Variants in POLR1B observed in about 807,000 individuals in gnomAD.
POLR1B encodes DNA-directed RNA polymerase I subunit RPA2.
In POLR1B, 30 loss-of-function variants were observed where a neutral mutation model predicts 105.8. That is an observed-to-expected ratio of 0.28 (90% CI 0.21 to 0.38). The LOEUF is 0.38. Among genes scored for constraint, POLR1B ranks in the 10% least tolerant of loss-of-function variants. The pLI, the probability that POLR1B is intolerant of heterozygous loss-of-function variation, is 1.00. For missense variants in POLR1B, 976 were observed against 1,435.8 expected (o/e 0.68, Z 5.17); for synonymous variants, 485 against 505.1 (o/e 0.96, Z 0.53).
intron 11 of POLR1B, among the ~76,000 whole-genome samples, chr2:112,568,484 A>G (rs923770282): frequency 2.0e-5 from 3 of 152,240 alleles, no homozygotes; most frequent in African/African-American, 7.2e-5. Context: ...TTGCAAAATT[A>G]TAGGCTTTGT....
At chr2:112,542,227 A>T (rs994209447), upstream of POLR1B, 1 of 1,535,078 alleles carries the variant, frequency 6.5e-7, no homozygotes, top group Non-Finnish European at 8.7e-7. Context: ...GCGAGCGGGG[A>T]GATGAGTGGG....
chr2:112,549,229 A>T, intron 3 of POLR1B, 38 bp from the exon 4 acceptor site: 3 of 1,607,592 alleles, frequency 1.9e-6, no homozygotes, highest in Non-Finnish European at 2.6e-6. Context: ...TTAGTCATGT[A>T]TCTTTGTTTA....
At chr2:112,559,619 T>G in intron 9 of POLR1B, 45 bp downstream of exon 9, 1 of 1,578,914 alleles carries the variant, frequency 6.3e-7, no homozygotes, top group Non-Finnish European at 8.6e-7. Context: ...TTATGTGGGT[T>G]TTTTTGTGTT....
chr2:112,561,429 C>G (rs966348341), intron 9 of POLR1B, among the ~76,000 whole-genome samples: 5 of 151,272 alleles, frequency 3.3e-5, no homozygotes, highest in Non-Finnish European at 5.9e-5. Flanking sequence ...CACTTGATGT[C>G]TTCAGAATGT....
chr2:112,565,416 G>A (rs1191827419), intron 10 of POLR1B, among the ~76,000 whole-genome samples: 1 of 152,068 alleles, frequency 6.6e-6, no homozygotes, highest in African/African-American at 2.4e-5. Context: ...AAAGATTTTA[G>A]TGTACTTTTT....
intron 14 of POLR1B, 145 bp downstream of exon 14, chr2:112,573,960 C>CCTCA: frequency 1.0e-6 from 1 of 993,060 alleles, no homozygotes; most frequent in Non-Finnish European, 1.5e-6. Context: ...AATCCTCTCG[C>CCTCA]CTCAGCCTTT....
intron 7 of POLR1B, among the ~76,000 whole-genome samples, chr2:112,556,987 G>GA (rs1467465465): frequency 6.6e-6 from 1 of 151,972 alleles, no homozygotes; most frequent in Non-Finnish European, 1.5e-5. Flanking sequence ...CTAGCTTTTT[G>GA]AAAATATACA....
intron 5 of POLR1B, among the ~76,000 whole-genome samples, 156 bp downstream of exon 5, chr2:112,551,158 A>G (rs1301883014): frequency 1.3e-5 from 2 of 152,214 alleles, no homozygotes; most frequent in East Asian, 1.9e-4. Context: ...TTAAAACTCA[A>G]TAACATTTCT....
chr2:112,555,244 G>A (rs1361832577), intron 7 of POLR1B, among the ~76,000 whole-genome samples: 1 of 151,968 alleles, frequency 6.6e-6, no homozygotes, highest in Non-Finnish European at 1.5e-5. Flanking sequence ...TTGGGAGGCT[G>A]AGGTGGGATC....
At chr2:112,546,986 A>G (rs1683092202) in intron 1 of POLR1B, 26 bp from the exon 2 acceptor site, 1 of 1,612,120 alleles carries the variant, frequency 6.2e-7, no homozygotes, top group African/African-American at 1.3e-5. Flanking sequence ...AATGCAAGCA[A>G]TTTAATAGTG....
chr2:112,559,523 G>A lies in POLR1B; in HGVS notation c.1561G>A (p.Val521Ile), dbSNP rs1350286723. 4 of 1,614,230 alleles carry A rather than the reference G, an allele frequency of 2.5e-6. No homozygotes were observed. Among genetic ancestry groups the A allele is most frequent in the Non-Finnish European group, 3.4e-6 (4 of 1,180,034 alleles). The stretch of plus-strand genomic sequence containing the variant: ...CCACCTAACTGCCGTATGTGAGGTT[G>A]TCACACAGTTTGTGTATACGGCATC... The part of the protein sequence containing the change: ...MNHLTAVCEV[V>I]TQFVYTASIP... Residue 521 changes from valine to isoleucine, a missense_variant, in exon 9 of 15, where the codon GTC becomes ATC. This residue lies in a region of POLR1B where 184 missense variants were observed against 197.4 expected (regional missense o/e 0.93). Coordinates refer to ENST00000263331, the MANE Select transcript of POLR1B (RefSeq NM_019014.6).
intron 12 of POLR1B, among the ~76,000 whole-genome samples, chr2:112,569,352 G>A (rs1684467612): frequency 6.6e-6 from 1 of 151,896 alleles, no homozygotes; most frequent in Non-Finnish European, 1.5e-5. Context: ...TTTTTTTATA[G>A]TGCAGGTTGC....
chr2:112,556,355 A>C (rs146649615), intron 7 of POLR1B, among the ~76,000 whole-genome samples: 3 of 152,346 alleles, frequency 2.0e-5, no homozygotes, highest in Admixed American at 2.0e-4. Context: ...GTGTACTTAC[A>C]AATCCTACTA....
Position 112,573,656 on chromosome 2 carries a change from A to G in POLR1B, c.2366A>G (p.Asp789Gly), listed in dbSNP as rs184665764. 6.2e-7 allele frequency: 1 copy of G among 1,614,180 alleles called. No homozygotes were observed. Among genetic ancestry groups the G allele is most frequent in the Admixed American group, 1.7e-5 (1 of 60,032 alleles). The change falls in exon 14 of 15, where the codon GAT (aspartate) becomes GGT (glycine). Residue 789 changes from aspartate (D) to glycine (G), a missense_variant. This residue lies in a region of POLR1B where 119 missense variants were observed against 149.7 expected (regional missense o/e 0.79). Coordinates refer to ENST00000263331, the MANE Select transcript of POLR1B (RefSeq NM_019014.6). ...IDLSEKIKQG[D>G]SSLVFGIKPG... ...CTCTCTGAAAAAATTAAACAAGGAGATAGTAGCCTGGTGTTTGGCATCAAA... is the reference window on the plus strand; with the variant it reads ...CTCTCTGAAAAAATTAAACAAGGAGGTAGTAGCCTGGTGTTTGGCATCAAA...
At chr2:112,543,332 T>A (rs1682860496) in intron 1 of POLR1B, among the ~76,000 whole-genome samples, 1 of 151,848 alleles carries the variant, frequency 6.6e-6, no homozygotes, top group South Asian at 2.1e-4. Flanking sequence ...ACGAGACAGT[T>A]CATGCATTTA....
At position 112,564,323 on chromosome 2, in the gene POLR1B, T is replaced by C. The variant is rs41280572; in HGVS notation, c.1613-43T>C. On this transcript the variant is annotated intron_variant, in intron 9 of 14. Coordinates refer to ENST00000263331, the MANE Select transcript of POLR1B (RefSeq NM_019014.6). ...TCTGGAGGGAATCTGGAATGTTGGA[T>C]GAAGCATTCTGATGTGATTGTGCTG... The C allele has an allele frequency of 0.45, 726,770 of 1,598,978 alleles. 171,524 individuals carry two copies. Among genetic ancestry groups the C allele is most frequent in the Non-Finnish European group, 0.49 (568,321 of 1,168,506 alleles).
In POLR1B at chr2:112,578,355, C is replaced by T. The variant is rs955194621; in HGVS notation, c.*2626C>T. 2.2e-4 allele frequency among the ~76,000 whole-genome samples: 33 copies of T among 152,194 alleles called. No homozygotes were observed. The highest frequency in any genetic ancestry group is 6.5e-4 in the Admixed American group (10 of 15,268). ...TACCTCTGTCCCCCATTTCTAACCCCTGGAAACCACTAATCTGTTCTTCAT... is the reference window on the plus strand; with the variant it reads ...TACCTCTGTCCCCCATTTCTAACCCTTGGAAACCACTAATCTGTTCTTCAT... On this transcript the variant is annotated 3_prime_UTR_variant, in exon 15 of 15. Transcript: ENST00000263331.
Position 112,574,709 on chromosome 2 carries a change from G to A in POLR1B, c.2526-138G>A, listed in dbSNP as rs1684772201. On this transcript the variant is annotated intron_variant, in intron 14 of 14. Coordinates refer to ENST00000263331, the MANE Select transcript of POLR1B (RefSeq NM_019014.6). Reference sequence around the variant, plus strand: ...CGCACTCCAGCCTGGGCAACAGAGTGAGACCCTGTATCATAAAAAAAAAAA... The same window carrying A: ...CGCACTCCAGCCTGGGCAACAGAGTAAGACCCTGTATCATAAAAAAAAAAA... 5 of 798,100 alleles carry A rather than the reference G, an allele frequency of 6.3e-6. No individual in the cohort carries two copies. In the South Asian group the frequency reaches 9.8e-5, roughly 16 times the overall value. The allele number at this position is 798,100 out of a possible 1,614,324, so 49.4% of individuals were successfully genotyped here.
intron 4 of POLR1B, 49 bp from the exon 5 acceptor site, chr2:112,550,817 A>G (rs1287427304): frequency 6.3e-7 from 1 of 1,590,528 alleles, no homozygotes; most frequent in Non-Finnish European, 8.6e-7. Flanking sequence ...TGGTTGAAGC[A>G]ATTAAGATAT....
Sources: allele counts gnomAD v4.1 joint callset (sites outside exome capture counted in the v4.1 genomes callset), GRCh38; gene constraint gnomAD v4.1.1; regional missense constraint gnomAD v4.1.1; transcripts MANE v1.5; gene names NCBI Gene and HGNC (gene_info 2026-07-23, HGNC 2026-07-21).